UNC5D: variants seen among roughly 807,000 people sequenced by gnomAD.
The protein encoded by UNC5D is netrin receptor UNC5D.
In UNC5D, 39 loss-of-function variants were observed where a neutral mutation model predicts 105.4. The ratio of observed to expected loss-of-function variants is 0.37; its 90% CI spans 0.29 to 0.48. The LOEUF (loss-of-function observed/expected upper bound fraction) is 0.48. Among genes scored for constraint, UNC5D ranks in the 20% least tolerant of loss-of-function variants. UNC5D has a pLI of 0.98. For synonymous variants in UNC5D, 452 were observed against 450.4 expected, an observed-to-expected ratio of 1.00 and a Z score of -0.04; for missense variants, 991 against 1,202.4, an observed-to-expected ratio of 0.82 and a Z score of 2.60.
intron 1 of UNC5D, among the ~76,000 whole-genome samples, chr8:35,442,541 C>A (rs1766691431): frequency 6.6e-6 from 1 of 151,724 alleles, no homozygotes; most frequent in African/African-American, 2.4e-5. Flanking sequence ...ATTAGAGATT[C>A]TTTAAAAAAC....
chr8:35,537,209 TATG>T lies in UNC5D; in HGVS notation c.104-12080_104-12078del, dbSNP rs948061683. On this transcript the variant is annotated intron_variant, in intron 1 of 16. Transcript: ENST00000404895. ...AAGGTAAACAAAAATAGTAGAAAAATATGATTTAATATTTAATTTTGCTAGTAA... is the reference window on the plus strand; with the variant it reads ...AAGGTAAACAAAAATAGTAGAAAAATATTTAATATTTAATTTTGCTAGTAA... Among the ~76,000 whole-genome samples, 292 of 151,956 alleles carry T rather than the reference TATG, an allele frequency of 1.9e-3. 1 individual carries two copies. The highest frequency in any genetic ancestry group is 6.6e-3 in the African/African-American group (272 of 41,444).
At chr8:35,429,640 T>G (rs1366521699) in intron 1 of UNC5D, among the ~76,000 whole-genome samples, 1 of 152,150 alleles carries the variant, frequency 6.6e-6, no homozygotes, top group Non-Finnish European at 1.5e-5. Flanking sequence ...TTCCATTTTA[T>G]CAATCTTATA....
At chr8:35,281,415 T>G (rs1412954837) in intron 1 of UNC5D, among the ~76,000 whole-genome samples, 4 of 48,770 alleles carry the variant, frequency 8.2e-5, no homozygotes, top group Non-Finnish European at 2.0e-4. Flanking sequence ...TTTAATACTT[T>G]TTTTTTCTTT....
intron 1 of UNC5D, among the ~76,000 whole-genome samples, chr8:35,388,172 A>C (rs1219312899): frequency 6.6e-6 from 1 of 151,972 alleles, no homozygotes; most frequent in Admixed American, 6.6e-5. Context: ...TCAGGAGTTC[A>C]AGACCAATGT....
intron 1 of UNC5D, among the ~76,000 whole-genome samples, chr8:35,446,261 G>C (rs1807788417): frequency 6.6e-6 from 1 of 151,744 alleles, no homozygotes; most frequent in South Asian, 2.1e-4. Flanking sequence ...ATTTGTATGT[G>C]GGATTTATTG....
At chr8:35,242,202 T>G (rs1226493107) in intron 1 of UNC5D, among the ~76,000 whole-genome samples, 2 of 152,218 alleles carry the variant, frequency 1.3e-5, no homozygotes, top group South Asian at 2.1e-4. Flanking sequence ...AAAATATCAC[T>G]GTAACCACGT....
intron 9 of UNC5D, among the ~76,000 whole-genome samples, 173 bp from the exon 10 acceptor site, chr8:35,725,979 T>C (rs543386832): frequency 1.4e-4 from 21 of 152,220 alleles, no homozygotes; most frequent in African/African-American, 4.8e-4. Context: ...GGGCTCTTGA[T>C]TCAAAAGTTC....
At chr8:35,474,406 C>G (rs1809942257) in intron 1 of UNC5D, among the ~76,000 whole-genome samples, 1 of 152,030 alleles carries the variant, frequency 6.6e-6, no homozygotes, top group African/African-American at 2.4e-5. Context: ...TTTCTACCAC[C>G]CAAAATAGAG....
chr8:35,684,773 T>C, intron 6 of UNC5D, 24 bp downstream of exon 6: 1 of 1,586,158 alleles, frequency 6.3e-7, no homozygotes. Flanking sequence ...AGATTCCCTT[T>C]TCCCTTCTGA....
At chr8:35,434,914 C>T (rs949403963) in intron 1 of UNC5D, among the ~76,000 whole-genome samples, 3 of 151,972 alleles carry the variant, frequency 2.0e-5, no homozygotes, top group African/African-American at 4.8e-5. Context: ...TGAACCAGTT[C>T]TTGGTCTGCT....
intron 1 of UNC5D, among the ~76,000 whole-genome samples, chr8:35,372,116 GGTTTGGTTTA>G (rs1464076958): frequency 1.3e-5 from 2 of 152,006 alleles, no homozygotes; most frequent in East Asian, 3.9e-4. Flanking sequence ...GTTTTGTTTT[GGTTTGGTTTA>G]GTTTTCATTT....
intron 1 of UNC5D, among the ~76,000 whole-genome samples, chr8:35,506,063 T>G (rs989450051): frequency 1.3e-5 from 2 of 152,252 alleles, no homozygotes; most frequent in African/African-American, 4.8e-5. Context: ...GAAAAAGCCC[T>G]GATTCAGATG....
intron 1 of UNC5D, among the ~76,000 whole-genome samples, chr8:35,273,053 T>C (rs1011620157): frequency 3.9e-5 from 6 of 152,196 alleles, no homozygotes; most frequent in Admixed American, 1.3e-4. Flanking sequence ...GGCTCATGAA[T>C]GGGGAGGACA....
chr8:35,733,263 A>G (rs1829292042), intron 11 of UNC5D, among the ~76,000 whole-genome samples: 1 of 152,188 alleles, frequency 6.6e-6, no homozygotes, highest in Admixed American at 6.5e-5. Context: ...TGAAAATAGC[A>G]AATACCTTTC....
intron 1 of UNC5D, among the ~76,000 whole-genome samples, chr8:35,271,759 G>T (rs56114779): frequency 0.43 from 48,655 of 113,034 alleles, 10,824 homozygotes; most frequent in Middle Eastern, 0.57. Flanking sequence ...ATGTATACAT[G>T]TATACATATA....
intron 4 of UNC5D, among the ~76,000 whole-genome samples, chr8:35,616,009 GAT>G (rs1267813409): frequency 6.6e-6 from 1 of 152,088 alleles, no homozygotes; most frequent in East Asian, 1.9e-4. Context: ...TGCTATCCTT[GAT>G]AGACTCATTT....
intron 1 of UNC5D, among the ~76,000 whole-genome samples, chr8:35,306,272 C>A (rs1204068610): frequency 1.3e-5 from 2 of 151,816 alleles, no homozygotes; most frequent in Admixed American, 1.3e-4. Flanking sequence ...AATATGTTCT[C>A]ACCTAATGGA....
At chr8:35,322,019 G>A (rs1280683952) in intron 1 of UNC5D, among the ~76,000 whole-genome samples, 1 of 152,158 alleles carries the variant, frequency 6.6e-6, no homozygotes, top group Non-Finnish European at 1.5e-5. Flanking sequence ...GAATTTGTAT[G>A]TAAAATGCTC....
chr8:35,262,844 G>A (rs893824713), intron 1 of UNC5D, among the ~76,000 whole-genome samples: 1 of 152,170 alleles, frequency 6.6e-6, no homozygotes, highest in Admixed American at 6.5e-5. Context: ...CTAAATACTA[G>A]AGCAAGATTT....
Sources: allele counts gnomAD v4.1 joint callset (sites outside exome capture counted in the v4.1 genomes callset), GRCh38; gene constraint gnomAD v4.1.1; transcripts MANE v1.5; gene names NCBI Gene and HGNC (gene_info 2026-07-23, HGNC 2026-07-21).